The following ZBTB20 variants were observed in gnomAD, a reference collection of about 807,000 sequenced individuals.
ZBTB20 encodes zinc finger and BTB domain-containing protein 20.
A neutral mutation model predicts 56.9 loss-of-function variants in ZBTB20; 9 were observed. The observed-to-expected ratio is 0.16, with a 90% CI of 0.10 to 0.28. The LOEUF (loss-of-function observed/expected upper bound fraction) is 0.28, where lower values mean the gene tolerates loss of function less well. Ranked by LOEUF, ZBTB20 falls within the 10% of genes least tolerant of loss-of-function variation. ZBTB20 has a pLI of 1.00. For missense variants in ZBTB20, 655 were observed against 1,003.0 expected (o/e 0.65, Z 4.69); for synonymous variants, 417 against 420.7 (o/e 0.99, Z 0.11).
chr3:115,041,369 A>G (rs1247756847), intron 2 of ZBTB20, among the ~76,000 whole-genome samples: 1 of 152,176 alleles, frequency 6.6e-6, no homozygotes, highest in African/African-American at 2.4e-5. Flanking sequence ...AATAAATAAT[A>G]GTACCAAAAC....
At chr3:115,137,517 T>C (rs2084683402) in intron 1 of ZBTB20, among the ~76,000 whole-genome samples, 1 of 152,048 alleles carries the variant, frequency 6.6e-6, no homozygotes, top group African/African-American at 2.4e-5. Flanking sequence ...GAAATGCATT[T>C]ACACTATCAG....
At chr3:114,359,920 T>C (rs918572276) in intron 10 of ZBTB20, among the ~76,000 whole-genome samples, 2 of 152,204 alleles carry the variant, frequency 1.3e-5, no homozygotes, top group South Asian at 2.1e-4. Context: ...ACTTATTTTA[T>C]AGAAAAAACA....
intron 11 of ZBTB20, among the ~76,000 whole-genome samples, chr3:114,344,226 G>A (rs2080015920): frequency 6.6e-6 from 1 of 152,188 alleles, no homozygotes; most frequent in Non-Finnish European, 1.5e-5. Flanking sequence ...TGACAACTAA[G>A]ATATTTTAGT....
At chr3:114,839,481 A>AG (rs2074290659) in intron 4 of ZBTB20, among the ~76,000 whole-genome samples, 1 of 139,568 alleles carries the variant, frequency 7.2e-6, no homozygotes, top group Admixed American at 7.1e-5. Flanking sequence ...GAGAGAAAGA[A>AG]AGAGAAAGAA....
At position 114,474,352 on chromosome 3, in the gene ZBTB20, A is replaced by G. The variant is rs533929931; in HGVS notation, c.-255+26000T>C. 1.4e-4 allele frequency among the ~76,000 whole-genome samples: 22 copies of G among 152,378 alleles called. 1 individual carries two copies. In the South Asian group the frequency reaches 3.5e-3, roughly 24 times the overall value. On this transcript the variant is annotated intron_variant, in intron 7 of 11. Transcript: ENST00000675478. The stretch of plus-strand genomic sequence containing the variant: ...TTTGTGTGTTTGCATGCATACAGCA[A>G]TGCTTCACATATCTGCACACCACTT...
chr3:114,537,024 AC>A (rs1431031974), intron 6 of ZBTB20, among the ~76,000 whole-genome samples: 1 of 152,184 alleles, frequency 6.6e-6, no homozygotes, highest in African/African-American at 2.4e-5. Flanking sequence ...AAGACCTCAA[AC>A]CATAAAAACC....
intron 3 of ZBTB20, among the ~76,000 whole-genome samples, chr3:114,943,302 G>C (rs2076779836): frequency 6.9e-6 from 1 of 144,580 alleles, no homozygotes; most frequent in Non-Finnish European, 1.5e-5. Flanking sequence ...AAATCCCCAT[G>C]GAAAAATATA....
intron 3 of ZBTB20, chr3:114,930,609 C>G (rs1331983782): frequency 6.2e-6 from 1 of 160,362 alleles, no homozygotes; most frequent in Non-Finnish European, 1.4e-5. Flanking sequence ...TGCAGCGGCG[C>G]AGGGAGCAGT....
At chr3:114,625,366 C>G (rs1200826787) in intron 6 of ZBTB20, among the ~76,000 whole-genome samples, 1 of 152,130 alleles carries the variant, frequency 6.6e-6, no homozygotes, top group Admixed American at 6.5e-5. Flanking sequence ...CACATGCTCC[C>G]AAACTTGAAT....
At chr3:114,722,275 A>G (rs1229959024) in intron 5 of ZBTB20, among the ~76,000 whole-genome samples, 1 of 152,214 alleles carries the variant, frequency 6.6e-6, no homozygotes, top group Non-Finnish European at 1.5e-5. Flanking sequence ...TTCATAGGAA[A>G]GCTAGCTACC....
At chr3:115,105,330 G>GAAA (rs1484411742) in intron 1 of ZBTB20, among the ~76,000 whole-genome samples, 1 of 152,086 alleles carries the variant, frequency 6.6e-6, no homozygotes, top group Non-Finnish European at 1.5e-5. Context: ...TCCAGATGAA[G>GAAA]AAAAAAGAGA....
intron 2 of ZBTB20, among the ~76,000 whole-genome samples, chr3:114,982,155 T>C (rs535652722): frequency 2.1e-4 from 32 of 152,122 alleles, no homozygotes; most frequent in African/African-American, 7.5e-4. Flanking sequence ...ATGGGATAAA[T>C]ATGTGAATGA....
intron 1 of ZBTB20, among the ~76,000 whole-genome samples, chr3:115,146,385 G>C (rs949354485): frequency 1.4e-5 from 2 of 142,638 alleles, no homozygotes; most frequent in Non-Finnish European, 3.1e-5. Flanking sequence ...GCGGGGGGTG[G>C]GGGGAGGACC....
At chr3:114,511,601 A>G (rs1311254044) in intron 6 of ZBTB20, among the ~76,000 whole-genome samples, 2 of 152,124 alleles carry the variant, frequency 1.3e-5, no homozygotes, top group Non-Finnish European at 2.9e-5. Flanking sequence ...TATTAAATAC[A>G]CAGGAATTCT....
At position 115,085,997 on chromosome 3, in the gene ZBTB20, GT is replaced by G. The variant is rs551427283; in HGVS notation, c.-702-14584del. 4.6e-5 allele frequency among the ~76,000 whole-genome samples: 7 copies of G among 151,810 alleles called. No homozygotes were observed. In the South Asian group the frequency reaches 6.2e-4, roughly 13 times the overall value. ...ATAAGAAAAATGTACAAAAACGGGC[GT>G]TGTATTTCTTTCTCTATTTTTTAGT... On this transcript the variant is annotated intron_variant, in intron 1 of 11. Transcript: ENST00000675478.
chr3:114,405,189 C>T (rs2087195890), intron 7 of ZBTB20, among the ~76,000 whole-genome samples: 1 of 151,560 alleles, frequency 6.6e-6, no homozygotes, highest in African/African-American at 2.4e-5. Context: ...TTAAAACAGT[C>T]TGACTTTTTT....
chr3:115,062,951 C>A (rs1408809667), intron 2 of ZBTB20, among the ~76,000 whole-genome samples: 3 of 152,132 alleles, frequency 2.0e-5, no homozygotes, highest in Admixed American at 6.6e-5. Flanking sequence ...TATGATTATA[C>A]CTACCAAACC....
chr3:114,831,062 A>G (rs1291539535), intron 4 of ZBTB20, among the ~76,000 whole-genome samples: 1 of 125,324 alleles, frequency 8.0e-6, no homozygotes, highest in Non-Finnish European at 1.7e-5. Flanking sequence ...CATACCTATC[A>G]TATTTCTCTT....
At chr3:114,738,165 C>A (rs1578619573) in intron 5 of ZBTB20, among the ~76,000 whole-genome samples, 1 of 151,702 alleles carries the variant, frequency 6.6e-6, no homozygotes, top group African/African-American at 2.4e-5. Context: ...ATTAAAATAT[C>A]TTTTCATCAA....
Sources: allele counts gnomAD v4.1 joint callset (sites outside exome capture counted in the v4.1 genomes callset), GRCh38; gene constraint gnomAD v4.1.1; transcripts MANE v1.5; gene names NCBI Gene and HGNC (gene_info 2026-07-23, HGNC 2026-07-21).